Variants in CEP164 observed in about 807,000 individuals in gnomAD.
CEP164 encodes centrosomal protein 164.
CEP164 carries 162 observed loss-of-function variants against 182.7 expected under a neutral mutation model. The ratio of observed to expected loss-of-function variants is 0.89; its 90% CI spans 0.78 to 1.01. The LOEUF is 1.01. CEP164 is among the 50% of genes least tolerant of loss of function. CEP164 has a pLI of 0.00. For synonymous variants in CEP164, 661 were observed against 690.0 expected (o/e 0.96, Z 0.66); for missense variants, 1,735 against 1,790.4 (o/e 0.97, Z 0.56).
At chr11:117,397,679 C>T (rs967825410) in intron 27 of CEP164, among the ~76,000 whole-genome samples, 2 of 152,102 alleles carry the variant, frequency 1.3e-5, no homozygotes, top group Admixed American at 1.3e-4. Flanking sequence ...AAATGAGGAA[C>T]AAGCAAAAGC....
At chr11:117,346,595 G>A (rs1009537159) in intron 4 of CEP164, among the ~76,000 whole-genome samples, 26 of 151,598 alleles carry the variant, frequency 1.7e-4, no homozygotes, top group African/African-American at 5.8e-4. Context: ...CAGGCATGGT[G>A]GCTCACACCT....
chr11:117,382,646 G>A lies in CEP164; in HGVS notation c.1578-150G>A, dbSNP rs1033942261. On this transcript the variant is annotated intron_variant, in intron 13 of 32. Coordinates refer to ENST00000278935, the MANE Select transcript of CEP164 (RefSeq NM_014956.5). ...CAAATAATTCAGGGAGAGGAAGGGC[G>A]GGGAGAGGGAGGTCTAAGACCCGAG... 5.3e-5 allele frequency: 42 copies of A among 796,856 alleles called. No homozygotes were observed. The South Asian group carries it at 5.4e-4, about 10-fold the overall frequency. 49.4% of individuals were successfully genotyped at this position (796,856 alleles called of 1,614,324 possible). A position where few individuals can be genotyped will look rare whatever the true frequency, so the allele number is the denominator to read the frequency against.
chr11:117,359,603 G>T, intron 5 of CEP164: 6 of 985,256 alleles, frequency 6.1e-6, no homozygotes, highest in Non-Finnish European at 6.0e-6. Context: ...ACCGCCTCTG[G>T]GTTTCCTTTT....
At chr11:117,363,679 C>T (rs972603688) in intron 8 of CEP164, among the ~76,000 whole-genome samples, 173 bp downstream of exon 8, 1 of 151,336 alleles carries the variant, frequency 6.6e-6, no homozygotes, top group Non-Finnish European at 1.5e-5. Flanking sequence ...TGAATGGATT[C>T]CTGTCCCTTC....
In CEP164 at chr11:117,351,905, T is replaced by G; in HGVS notation, c.310T>G (p.Ser104Ala). Residue 104 changes from serine to alanine, a missense_variant, in exon 5 of 33, where the codon TCA becomes GCA. Ser to Ala is a moderately conservative substitution (Grantham distance 99, BLOSUM62 1). Coordinates refer to ENST00000278935, the MANE Select transcript of CEP164 (RefSeq NM_014956.5). ...GGTGATCCAAGAGCGGGCAAAGCTG[T>G]CAACTTCTGGGGCCATTAAGAAGAA... ...SLVIQERAKL[S>A]TSGAIKKKKK... The G allele has an allele frequency of 6.2e-7, 1 of 1,612,666 alleles. No homozygotes were observed. The highest frequency in any genetic ancestry group is 8.5e-7 in the Non-Finnish European group (1 of 1,179,752).
chr11:117,396,270 G>A, intron 25 of CEP164, 90 bp downstream of exon 25: 2 of 1,429,182 alleles, frequency 1.4e-6, no homozygotes, highest in Non-Finnish European at 1.9e-6. Context: ...ACTTCCAGAG[G>A]GGACAGCTCA....
At chr11:117,387,858 A>C (rs1364085975) in intron 15 of CEP164, among the ~76,000 whole-genome samples, 5 of 152,266 alleles carry the variant, frequency 3.3e-5, no homozygotes, top group South Asian at 4.1e-4. Flanking sequence ...AGCAAAGTAT[A>C]TATAAAACAT....
chr11:117,410,950 T>C (rs1270775809), intron 31 of CEP164, 56 bp downstream of exon 31: 2 of 1,524,726 alleles, frequency 1.3e-6, no homozygotes, highest in African/African-American at 2.7e-5. Context: ...CTGCTCACTG[T>C]GCCTCCCTGG....
chr11:117,411,212 C>T lies in CEP164; in HGVS notation c.4163+318C>T. On this transcript the variant is annotated intron_variant, in intron 31 of 32. Coordinates refer to ENST00000278935, the MANE Select transcript of CEP164 (RefSeq NM_014956.5). The surrounding 1 kb of genome is among the most constrained non-coding windows in gnomAD (Gnocchi z 4.4). ...TGGTGGGACCCTGCCCCCGCCCCTC[C>T]CTCTAGCCCCTCCAGCCCCGGAGTC... is the stretch of plus-strand genomic sequence containing the variant. 2.9e-6 allele frequency: 1 copy of T among 345,096 alleles called. No individual in the cohort carries two copies. Among genetic ancestry groups the T allele is most frequent in the Non-Finnish European group, 5.5e-6 (1 of 182,726 alleles). The allele number at this position is 345,096 out of a possible 1,614,324, so 21.4% of individuals were successfully genotyped here. A position where few individuals can be genotyped will look rare whatever the true frequency, so the allele number is the denominator to read the frequency against.
chr11:117,391,556 C>A (rs1242367037), intron 17 of CEP164, among the ~76,000 whole-genome samples: 1 of 151,966 alleles, frequency 6.6e-6, no homozygotes, highest in African/African-American at 2.4e-5. Flanking sequence ...TGAGAAAGTT[C>A]GTGACTGAAA....
chr11:117,347,895 A>G lies in CEP164; in HGVS notation c.194+3618A>G, dbSNP rs553465448. On this transcript the variant is annotated intron_variant, in intron 4 of 32. Coordinates refer to ENST00000278935, the MANE Select transcript of CEP164 (RefSeq NM_014956.5). ...TGTCTCTAGGACATATTTACCCTGT[A>G]GAAAAATGTAATCTGCAAATAAGGA... Among the ~76,000 whole-genome samples, 3 of 152,306 alleles carry G rather than the reference A, an allele frequency of 2.0e-5. No individual in the cohort carries two copies. The South Asian group carries it at 6.2e-4, about 32-fold the overall frequency.
In CEP164 at chr11:117,411,067, TC is replaced by T; in HGVS notation, c.4163+175del. The stretch of plus-strand genomic sequence containing the variant: ...CGCTTGCCTGGGTCTGAGGCGCCCC[TC>T]CATGACCAGGGGAAAGTCAAGTTCA... On this transcript the variant is annotated intron_variant, in intron 31 of 32. Transcript: ENST00000278935. This position sits in a 1 kb window ranked among gnomAD's most constrained non-coding sequence, Gnocchi z 4.4. 1 of 601,036 alleles carries T rather than the reference TC, an allele frequency of 1.7e-6. No individual in the cohort carries two copies. The highest frequency in any genetic ancestry group is 3.0e-6 in the Non-Finnish European group (1 of 336,778). 37.2% of individuals were successfully genotyped at this position (601,036 alleles called of 1,614,324 possible). A position where few individuals can be genotyped will look rare whatever the true frequency, so the allele number is the denominator to read the frequency against.
Position 117,349,900 on chromosome 11 carries a change from G to C in CEP164, c.195-1890G>C, listed in dbSNP as rs969028980. Among the ~76,000 whole-genome samples, 3 of 151,938 alleles carry C rather than the reference G, an allele frequency of 2.0e-5. No homozygotes were observed. In the South Asian group the frequency reaches 6.2e-4, roughly 31 times the overall value. ...AGTGATTCTCCTGCCTTAGCCTCCTGAGTAGCTGGGATTACAGGCACACGC... is the reference window on the plus strand; with the variant it reads ...AGTGATTCTCCTGCCTTAGCCTCCTCAGTAGCTGGGATTACAGGCACACGC... On this transcript the variant is annotated intron_variant, in intron 4 of 32. Coordinates refer to ENST00000278935, the MANE Select transcript of CEP164 (RefSeq NM_014956.5).
At chr11:117,396,524 T>G in intron 25 of CEP164, 26 bp from the exon 26 acceptor site, 1 of 1,602,790 alleles carries the variant, frequency 6.2e-7, no homozygotes, top group Non-Finnish European at 8.5e-7. Flanking sequence ...CTACACTCAG[T>G]GGACTTTTCT....
chr11:117,410,238 G>A (rs1260223657), intron 30 of CEP164: 1 of 577,512 alleles, frequency 1.7e-6, no homozygotes, highest in Non-Finnish European at 3.1e-6. Flanking sequence ...GGCCTTTATT[G>A]TGGATTCTGG....
Position 117,393,041 on chromosome 11 carries a change from A to AAGGGG in CEP164, c.2534_2538dup (p.His847GlyfsTer10). Reference sequence around the variant, plus strand: ...CTGCGAGAGAAGCGCCAGGAAGTGGAAGGGGAGCATGAGAGGAGGTTGGAC... The same window carrying AAGGGG: ...CTGCGAGAGAAGCGCCAGGAAGTGGAAGGGGAGGGGAGCATGAGAGGAGGTTGGAC... On this transcript the variant is annotated frameshift_variant, in exon 20 of 33. Transcript: ENST00000278935. LOFTEE classifies it high-confidence loss of function. The AAGGGG allele has an allele frequency of 6.2e-7, 1 of 1,613,718 alleles. No individual in the cohort carries two copies. The highest frequency in any genetic ancestry group is 8.5e-7 in the Non-Finnish European group (1 of 1,179,880).
In CEP164 at chr11:117,371,292, T is replaced by C; in HGVS notation, c.978T>C (p.Asn326=). 1 of 1,614,134 alleles carries C rather than the reference T, an allele frequency of 6.2e-7. No individual in the cohort carries two copies. The highest frequency in any genetic ancestry group is 2.2e-5 in the East Asian group (1 of 44,878). The change falls in exon 9 of 33, where the codon AAT becomes AAC. Residue 326 remains asparagine, a synonymous_variant. Transcript: ENST00000278935. ...NEKSEPKICR[N]LVTPKADPTG... ...AGAGTGAACCTAAGATTTGCAGGAA[T>C]CTGGTGACCCCCAAGGCAGACCCTA...
chr11:117,328,890 G>C (rs1288268593), intron 1 of CEP164, among the ~76,000 whole-genome samples: 1 of 152,152 alleles, frequency 6.6e-6, no homozygotes, highest in East Asian at 1.9e-4. Context: ...TTAGTGCTCT[G>C]ATTTCCCTCC....
At chr11:117,375,580 AT>A in intron 10 of CEP164, 127 bp from the exon 11 acceptor site, 1 of 691,234 alleles carries the variant, frequency 1.4e-6, no homozygotes, top group Non-Finnish European at 2.6e-6. Context: ...AGATGTTGAA[AT>A]GTTTGGCACA....
Sources: allele counts gnomAD v4.1 joint callset (sites outside exome capture counted in the v4.1 genomes callset), GRCh38; gene constraint gnomAD v4.1.1; non-coding constraint Gnocchi (gnomAD v3.1); transcripts MANE v1.5; gene names NCBI Gene and HGNC (gene_info 2026-07-23, HGNC 2026-07-21).